The following C11orf97 variants were observed in gnomAD, a reference collection of about 807,000 sequenced individuals.
C11orf97 encodes the protein chromosome 11 open reading frame 97.
C11orf97 carries 15 observed loss-of-function variants against 16.2 expected under a neutral mutation model. That is an observed-to-expected ratio of 0.93 (90% CI 0.62 to 1.43). C11orf97 has a LOEUF of 1.43. C11orf97 is among the 40% of genes most tolerant of loss of function. C11orf97 has a pLI of 0.00. For missense variants in C11orf97, 171 were observed against 161.2 expected (o/e 1.06, Z -0.33); for synonymous variants, 61 against 65.7 (o/e 0.93, Z 0.34).
At chr11:94,521,295 G>A (rs1031472937) in intron 2 of C11orf97, among the ~76,000 whole-genome samples, 3 of 152,190 alleles carry the variant, frequency 2.0e-5, no homozygotes, top group Non-Finnish European at 4.4e-5. Flanking sequence ...CAATGTGATG[G>A]TGTGAAAGTG....
chr11:94,515,658 T>C (rs1312428795), intron 1 of C11orf97, among the ~76,000 whole-genome samples: 1 of 151,626 alleles, frequency 6.6e-6, no homozygotes, highest in Admixed American at 6.6e-5. Flanking sequence ...CTTTCTCCTT[T>C]CCTTCCCTTT....
At position 94,517,601 on chromosome 11, in the gene C11orf97, G is replaced by T; in HGVS notation, c.164G>T (p.Cys55Phe). ...HGQQWKKFLY[C>F]EPHKRIKEVL... ...TTTATAGGGAAGAAATTTTTATATT[G>T]TGAGCCACATAAGAGAATTAAGGAA... Residue 55 changes from cysteine (C) to phenylalanine (F), a missense_variant, in exon 2 of 4, where the codon TGT becomes TTT. By Grantham distance (205) the Cys-to-Phe change is radical. Transcript: ENST00000542198. The T allele has an allele frequency of 6.5e-7, 1 of 1,527,658 alleles. No homozygotes were observed. The highest frequency in any genetic ancestry group is 8.7e-7 in the Non-Finnish European group (1 of 1,143,430). 94.6% of individuals were successfully genotyped at this position (1,527,658 alleles called of 1,614,324 possible).
chr11:94,512,634 G>C lies in C11orf97; in HGVS notation c.106G>C (p.Gly36Arg). 7 of 1,255,254 alleles carry C rather than the reference G, an allele frequency of 5.6e-6. No individual in the cohort carries two copies. Among genetic ancestry groups the C allele is most frequent in the Non-Finnish European group, 7.0e-6 (7 of 999,084 alleles). The allele number at this position is 1,255,254 out of a possible 1,614,324, so 77.8% of individuals were successfully genotyped here. ...PPAGLGCGAR[G>R]EPGRGPLEHG... Reference sequence around the variant, plus strand: ...AGCAGGGCTGGGGTGCGGGGCGCGCGGGGAACCCGGCCGCGGCCCCCTAGA... The same window carrying C: ...AGCAGGGCTGGGGTGCGGGGCGCGCCGGGAACCCGGCCGCGGCCCCCTAGA... The change falls in exon 1 of 4, where the codon GGG (glycine) becomes CGG (arginine). Residue 36 changes from glycine (G) to arginine (R), a missense_variant. Transcript: ENST00000542198.
At chr11:94,526,258 C>T (rs1433770998) in intron 2 of C11orf97, among the ~76,000 whole-genome samples, 1 of 152,200 alleles carries the variant, frequency 6.6e-6, no homozygotes, top group Non-Finnish European at 1.5e-5. Flanking sequence ...ATATCACCTT[C>T]TGTAACTTCT....
chr11:94,520,728 A>G (rs1947651414), intron 2 of C11orf97, among the ~76,000 whole-genome samples: 1 of 152,162 alleles, frequency 6.6e-6, no homozygotes, highest in Non-Finnish European at 1.5e-5. Context: ...TGTATATCCT[A>G]AATCCCCCAC....
At chr11:94,525,624 C>T (rs538590133) in intron 2 of C11orf97, among the ~76,000 whole-genome samples, 1 of 152,180 alleles carries the variant, frequency 6.6e-6, no homozygotes, top group South Asian at 2.1e-4. Context: ...TACTAGACAC[C>T]AAAGGCTTGC....
intron 3 of C11orf97, among the ~76,000 whole-genome samples, chr11:94,531,475 T>G (rs1452279891): frequency 7.5e-6 from 1 of 132,760 alleles, no homozygotes. Context: ...TAATGGTTGA[T>G]GACAAAAAAC....
chr11:94,522,580 A>ACTT (rs1947667105), intron 2 of C11orf97, among the ~76,000 whole-genome samples: 1 of 152,132 alleles, frequency 6.6e-6, no homozygotes, highest in Non-Finnish European at 1.5e-5. Flanking sequence ...CCTCTCCCCG[A>ACTT]CTTGCTGCTT....
At chr11:94,519,990 T>G (rs1359950854) in intron 2 of C11orf97, among the ~76,000 whole-genome samples, 1 of 152,232 alleles carries the variant, frequency 6.6e-6, no homozygotes, top group African/African-American at 2.4e-5. Context: ...AGACACAGTT[T>G]GTCACATACG....
chr11:94,529,089 C>T (rs1000189993), intron 3 of C11orf97, among the ~76,000 whole-genome samples: 1 of 152,020 alleles, frequency 6.6e-6, no homozygotes, highest in Non-Finnish European at 1.5e-5. Context: ...AATAATTTAC[C>T]CCGGTTCGCT....
At chr11:94,527,201 T>C (rs1374832356) in intron 2 of C11orf97, among the ~76,000 whole-genome samples, 1 of 152,232 alleles carries the variant, frequency 6.6e-6, no homozygotes, top group Non-Finnish European at 1.5e-5. Context: ...ACTATGCTGC[T>C]AGTAATTACT....
At chr11:94,529,314 G>A (rs1377465842) in intron 3 of C11orf97, among the ~76,000 whole-genome samples, 1 of 151,992 alleles carries the variant, frequency 6.6e-6, no homozygotes, top group East Asian at 1.9e-4. Context: ...TCTGGGATAT[G>A]GACTCAGTAA....
intron 3 of C11orf97, among the ~76,000 whole-genome samples, chr11:94,530,141 T>A (rs1947727331): frequency 6.6e-6 from 1 of 152,262 alleles, no homozygotes; most frequent in African/African-American, 2.4e-5. Flanking sequence ...TGATCATAAT[T>A]GCATTCCTTT....
chr11:94,512,767 A>G (rs1591744113), intron 1 of C11orf97, 94 bp downstream of exon 1: 1 of 1,209,172 alleles, frequency 8.3e-7, no homozygotes, highest in Non-Finnish European at 1.0e-6. Context: ...GGACTGGCTG[A>G]GAAGGTTTGG....
chr11:94,512,467 G>C lies in C11orf97; in HGVS notation c.-62G>C, dbSNP rs1350633322. On this transcript the variant is annotated 5_prime_UTR_variant, in exon 1 of 4. Transcript: ENST00000542198. ...GCAACCCGAGACGCCTCGCATGCTGGGCTGCCTGCGACTGAGCTGAGAAGG... is the reference window on the plus strand; with the variant it reads ...GCAACCCGAGACGCCTCGCATGCTGCGCTGCCTGCGACTGAGCTGAGAAGG... 2 of 1,250,510 alleles carry C rather than the reference G, an allele frequency of 1.6e-6. No individual in the cohort carries two copies. The highest frequency in any genetic ancestry group is 3.1e-5 in the African/African-American group (2 of 64,482). 77.5% of individuals were successfully genotyped at this position (1,250,510 alleles called of 1,614,324 possible).
rs568349103 is a variant in C11orf97 at position 94,521,860 on chromosome 11, A to G, written c.250+4173A>G. On this transcript the variant is annotated intron_variant, in intron 2 of 3. Transcript: ENST00000542198. ...ACTATGGTGTCTCTGGTGACACGTTATGGCTAAATGCAGTGGATACTGTTC... is the reference window on the plus strand; with the variant it reads ...ACTATGGTGTCTCTGGTGACACGTTGTGGCTAAATGCAGTGGATACTGTTC... 8.5e-5 allele frequency among the ~76,000 whole-genome samples: 13 copies of G among 152,250 alleles called. 1 individual carries two copies. In the South Asian group the frequency reaches 2.7e-3, roughly 32 times the overall value.
At chr11:94,518,641 T>C (rs1196989033) in intron 2 of C11orf97, among the ~76,000 whole-genome samples, 1 of 152,204 alleles carries the variant, frequency 6.6e-6, no homozygotes, top group Non-Finnish European at 1.5e-5. Context: ...AGTTTGAAAC[T>C]GCTGGCGTCC....
chr11:94,528,254 A>G, intron 3 of C11orf97, 45 bp downstream of exon 3: 2 of 1,492,632 alleles, frequency 1.3e-6, no homozygotes, highest in South Asian at 1.3e-5. Flanking sequence ...CCCTGAGGGG[A>G]CTTTACAGTT....
chr11:94,519,682 G>T (rs1469929148), intron 2 of C11orf97, among the ~76,000 whole-genome samples: 1 of 152,218 alleles, frequency 6.6e-6, no homozygotes, highest in Non-Finnish European at 1.5e-5. Context: ...TCCACTAGAG[G>T]TCGCACAGAG....
Sources: gnomAD v4.1 joint callset for allele counts (sites outside exome capture counted in the v4.1 genomes callset) on GRCh38, gnomAD v4.1.1 for gene constraint, MANE v1.5 for transcripts, NCBI Gene and HGNC (gene_info 2026-07-23, HGNC 2026-07-21) for gene names.